The following ARMC9 variants were observed in gnomAD, a reference collection of about 807,000 sequenced individuals.
The protein encoded by ARMC9 is lisH domain-containing protein ARMC9.
ARMC9 carries 94 observed loss-of-function variants against 107.0 expected under a neutral mutation model. That is an observed-to-expected ratio of 0.88 (90% confidence interval 0.74 to 1.04). ARMC9 has a LOEUF of 1.04. ARMC9 is among the 50% of genes least tolerant of loss of function. ARMC9 has a pLI of 0.00. For synonymous variants in ARMC9, 380 were observed against 396.9 expected (o/e 0.96, Z 0.51); for missense variants, 942 against 1,030.1 (o/e 0.91, Z 1.17).
chr2:231,338,405 T>C (rs1446153316), intron 20 of ARMC9, among the ~76,000 whole-genome samples: 3 of 151,998 alleles, frequency 2.0e-5, no homozygotes, highest in Non-Finnish European at 4.4e-5. Context: ...TTTGGTATCA[T>C]TGGTAGAGAT....
At chr2:231,305,459 T>C (rs959804825) in intron 19 of ARMC9, among the ~76,000 whole-genome samples, 11 of 152,256 alleles carry the variant, frequency 7.2e-5, no homozygotes, top group African/African-American at 2.4e-4. Flanking sequence ...CTGTTGATAC[T>C]GGAAGATTAC....
chr2:231,310,453 G>A (rs1053522642), intron 19 of ARMC9, among the ~76,000 whole-genome samples: 1 of 133,474 alleles, frequency 7.5e-6, no homozygotes, highest in African/African-American at 3.0e-5. Flanking sequence ...AGCTATGGGC[G>A]GGTGCAATGG....
intron 21 of ARMC9, among the ~76,000 whole-genome samples, chr2:231,350,027 A>T (rs1288891126): frequency 2.1e-5 from 2 of 96,062 alleles, no homozygotes; most frequent in Non-Finnish European, 3.5e-5. Context: ...ACAAACATCT[A>T]AAAAAAAAAA....
intron 19 of ARMC9, among the ~76,000 whole-genome samples, chr2:231,311,694 C>T (rs1011039316): frequency 1.4e-5 from 2 of 146,558 alleles, no homozygotes; most frequent in Non-Finnish European, 3.0e-5. Context: ...CGCTTGAATC[C>T]GGGAGGTGGA....
chr2:231,354,164 G>A (rs1365217522), intron 21 of ARMC9, among the ~76,000 whole-genome samples: 1 of 150,972 alleles, frequency 6.6e-6, no homozygotes, highest in Non-Finnish European at 1.5e-5. Context: ...GAGTGTGGTG[G>A]CTCACGCCTG....
chr2:231,315,648 T>A (rs2042627260), intron 19 of ARMC9, among the ~76,000 whole-genome samples: 1 of 152,244 alleles, frequency 6.6e-6, no homozygotes, highest in Non-Finnish European at 1.5e-5. Flanking sequence ...CCACATGATG[T>A]TAATTACTAT....
intron 23 of ARMC9, 113 bp from the exon 24 acceptor site, chr2:231,369,840 C>T (rs1298446096): frequency 3.6e-6 from 4 of 1,126,598 alleles, no homozygotes; most frequent in East Asian, 3.1e-5. Context: ...GTGATTTGTC[C>T]GCCTTGGCCT....
At chr2:231,218,970 T>C (rs1226516514) in intron 5 of ARMC9, among the ~76,000 whole-genome samples, 1 of 152,146 alleles carries the variant, frequency 6.6e-6, no homozygotes, top group Non-Finnish European at 1.5e-5. Context: ...CAGGCTGGTC[T>C]CAAACTCCTG....
chr2:231,316,154 G>C (rs970869793), intron 19 of ARMC9, among the ~76,000 whole-genome samples: 8 of 119,168 alleles, frequency 6.7e-5, no homozygotes, highest in Admixed American at 1.5e-4. Context: ...GAACATGTGT[G>C]TATGTATGTG....
Position 231,205,942 on chromosome 2 carries a change from C to A in ARMC9, c.-41-256C>A, listed in dbSNP as rs888104243. On this transcript the variant is annotated intron_variant, in intron 1 of 24. Transcript: ENST00000611582. ...GACCCTCTTGCCTCCGTCTGCCCCC[C>A]TCCCTCTGCTGTGACTGCCTTGGGC... Among the ~76,000 whole-genome samples, 5 of 152,228 alleles carry A rather than the reference C, an allele frequency of 3.3e-5. No individual in the cohort carries two copies. The South Asian group carries it at 8.3e-4, about 25-fold the overall frequency.
In ARMC9 at chr2:231,328,814, C is replaced by CTTTTTTTTTTTTTTTT. The variant is rs1341987081; in HGVS notation, c.1774-2975_1774-2974insTTTTTTTTTTTTTTTT. On this transcript the variant is annotated intron_variant, in intron 19 of 24. Coordinates refer to ENST00000611582, the MANE Select transcript of ARMC9 (RefSeq NM_001352754.2). The stretch of plus-strand genomic sequence containing the variant: ...AGCGTGTTCAATTTTCTTTTCTTTT[C>CTTTTTTTTTTTTTTTT]TTTTCTTTTTTTTTTTTTGAGTCGG... Among the ~76,000 whole-genome samples the CTTTTTTTTTTTTTTTT allele has an allele frequency of 3.9e-3, 500 of 127,070 alleles. 32 individuals are homozygous for CTTTTTTTTTTTTTTTT. Among genetic ancestry groups the CTTTTTTTTTTTTTTTT allele is most frequent in the Middle Eastern group, 0.014 (3 of 210 alleles). 83.4% of individuals were successfully genotyped at this position (127,070 alleles called of 152,430 possible).
chr2:231,329,286 GTATT>G (rs1284143974), intron 19 of ARMC9, among the ~76,000 whole-genome samples: 1 of 152,020 alleles, frequency 6.6e-6, no homozygotes, highest in African/African-American at 2.4e-5. Context: ...GTGTGGTTCT[GTATT>G]TATTTGAATT....
intron 11 of ARMC9, among the ~76,000 whole-genome samples, chr2:231,261,387 T>C (rs2038326085): frequency 6.6e-6 from 1 of 152,174 alleles, no homozygotes; most frequent in Admixed American, 6.5e-5. Flanking sequence ...TCTACAAAAT[T>C]CTAGCCAGCT....
chr2:231,307,947 G>A (rs2042123842), intron 19 of ARMC9, among the ~76,000 whole-genome samples: 1 of 152,222 alleles, frequency 6.6e-6, no homozygotes, highest in Non-Finnish European at 1.5e-5. Context: ...GGAGCAGCAG[G>A]AGCCAAGGCA....
rs146743949 is a variant in ARMC9, at chr2:231,278,465, A to G, written c.1551+7A>G. The G allele has an allele frequency of 9.7e-3, 15,651 of 1,613,596 alleles. 104 individuals carry two copies. Among genetic ancestry groups the G allele is most frequent in the Non-Finnish European group, 0.012 (14,197 of 1,179,830 alleles). On this transcript the variant is annotated splice_region_variant and intron_variant, in intron 16 of 24. Coordinates refer to ENST00000611582, the MANE Select transcript of ARMC9 (RefSeq NM_001352754.2). ...TGGCCATGAAAACCATGAGGTACTC[A>G]TTCAGCACTGCTGGCCCTGGGCTCG...
rs1016966072 is a variant in ARMC9, at chr2:231,360,218, G to A, written c.2132-536G>A. Among the ~76,000 whole-genome samples the A allele has an allele frequency of 6.6e-6, 1 of 152,144 alleles. No homozygotes were observed. Among genetic ancestry groups the A allele is most frequent in the Non-Finnish European group, 1.5e-5 (1 of 68,022 alleles). On this transcript the variant is annotated intron_variant, in intron 22 of 24. Transcript: ENST00000611582. The surrounding 1 kb of genome is among the most constrained non-coding windows in gnomAD (Gnocchi z 4.7). ...GTCCCGGGTGGCCTGGTTCTGGGTG[G>A]GCATCAGCTACAGCACAAGTCACTG... is the stretch of plus-strand genomic sequence containing the variant.
chr2:231,244,819 A>T (rs539776266), intron 9 of ARMC9, among the ~76,000 whole-genome samples: 1 of 152,342 alleles, frequency 6.6e-6, no homozygotes, highest in South Asian at 2.1e-4. Context: ...GGAGGAGCGG[A>T]GTTGACACGT....
intron 3 of ARMC9, among the ~76,000 whole-genome samples, chr2:231,210,984 T>C (rs1249915078): frequency 6.6e-6 from 1 of 152,218 alleles, no homozygotes; most frequent in African/African-American, 2.4e-5. Flanking sequence ...AGATATGTCA[T>C]ATAAATGGAA....
At chr2:231,214,762 G>A (rs2033305340) in intron 3 of ARMC9, 69 bp from the exon 4 acceptor site, 3 of 1,494,168 alleles carry the variant, frequency 2.0e-6, no homozygotes, top group African/African-American at 2.8e-5. Flanking sequence ...CTGTGGTGTT[G>A]AGTGGGTTGT....
Sources: gnomAD v4.1 joint callset for allele counts (sites outside exome capture counted in the v4.1 genomes callset) on GRCh38, gnomAD v4.1.1 for gene constraint, Gnocchi (gnomAD v3.1) non-coding constraint, MANE v1.5 for transcripts, NCBI Gene and HGNC (gene_info 2026-07-23, HGNC 2026-07-21) for gene names.